CADM2: variants seen among roughly 807,000 people sequenced by gnomAD.
CADM2 encodes the protein cell adhesion molecule 2.
CADM2 carries 12 observed loss-of-function variants against 49.8 expected under a neutral mutation model. The ratio of observed to expected loss-of-function variants is 0.24; its 90% CI spans 0.15 to 0.39. The LOEUF (loss-of-function observed/expected upper bound fraction) is 0.39, where lower values mean the gene tolerates loss of function less well. Among genes scored for constraint, CADM2 ranks in the 10% least tolerant of loss-of-function variants. The pLI, the probability that CADM2 is intolerant of heterozygous loss-of-function variation, is 1.00. For synonymous variants in CADM2, 214 were observed against 175.4 expected (o/e 1.22, Z -1.74); for missense variants, 378 against 492.3 (o/e 0.77, Z 2.20).
intron 3 of CADM2, among the ~76,000 whole-genome samples, chr3:85,846,647 G>C (rs898846694): frequency 6.6e-6 from 1 of 152,086 alleles, no homozygotes; most frequent in Non-Finnish European, 1.5e-5. Context: ...CAGGACAATC[G>C]CATGTAGCCA....
At chr3:85,987,686 AAAT>A (rs1287133566) in intron 8 of CADM2, among the ~76,000 whole-genome samples, 4 of 146,730 alleles carry the variant, frequency 2.7e-5, no homozygotes, top group Non-Finnish European at 6.0e-5. Flanking sequence ...TATTTATATA[AAAT>A]AATATAATAA....
intron 3 of CADM2, among the ~76,000 whole-genome samples, chr3:85,813,005 A>G (rs1020783321): frequency 6.6e-6 from 1 of 152,204 alleles, no homozygotes; most frequent in Non-Finnish European, 1.5e-5. Flanking sequence ...TGCTGCAATA[A>G]ACATATGTGT....
chr3:86,053,943 T>C (rs1369449928), intron 8 of CADM2, among the ~76,000 whole-genome samples: 2 of 152,218 alleles, frequency 1.3e-5, no homozygotes, highest in African/African-American at 4.8e-5. Context: ...TGCACAAGAA[T>C]TTTTTGTGTC....
At chr3:85,120,719 G>A (rs1381410003) in intron 1 of CADM2, among the ~76,000 whole-genome samples, 1 of 152,050 alleles carries the variant, frequency 6.6e-6, no homozygotes, top group Non-Finnish European at 1.5e-5. Flanking sequence ...GGAGAAATAC[G>A]TCATGTAGAT....
At chr3:85,825,099 C>T (rs2073828799) in intron 3 of CADM2, among the ~76,000 whole-genome samples, 1 of 151,942 alleles carries the variant, frequency 6.6e-6, no homozygotes, top group African/African-American at 2.4e-5. Flanking sequence ...AATATGCATA[C>T]ACAAATGCAT....
chr3:86,053,612 C>A (rs1041642123), intron 8 of CADM2, among the ~76,000 whole-genome samples: 1 of 151,984 alleles, frequency 6.6e-6, no homozygotes, highest in Admixed American at 6.6e-5. Flanking sequence ...TTTTAACATG[C>A]AGTAATCATG....
intron 7 of CADM2, among the ~76,000 whole-genome samples, chr3:85,936,736 T>C (rs982435591): frequency 6.6e-6 from 1 of 151,852 alleles, no homozygotes; most frequent in Non-Finnish European, 1.5e-5. Context: ...AGTTTCATAC[T>C]ATCCCATGGA....
chr3:85,442,723 A>T (rs1035426613), intron 1 of CADM2, among the ~76,000 whole-genome samples: 1 of 150,152 alleles, frequency 6.7e-6, no homozygotes, highest in Non-Finnish European at 1.5e-5. Flanking sequence ...TGTTAAATAT[A>T]GTATAAAAAA....
chr3:85,533,296 A>G (rs1248260590), intron 1 of CADM2, among the ~76,000 whole-genome samples: 1 of 152,222 alleles, frequency 6.6e-6, no homozygotes, highest in African/African-American at 2.4e-5. Flanking sequence ...GATGTCAAAC[A>G]TAAGAATAGA....
At chr3:85,093,594 T>G (rs1193762955) in intron 1 of CADM2, among the ~76,000 whole-genome samples, 2 of 152,142 alleles carry the variant, frequency 1.3e-5, no homozygotes, top group African/African-American at 4.8e-5. Context: ...AAGCTATTGA[T>G]TAAGGGAAAA....
intron 2 of CADM2, among the ~76,000 whole-genome samples, chr3:85,778,587 C>T (rs1196912873): frequency 1.3e-5 from 2 of 152,112 alleles, no homozygotes; most frequent in African/African-American, 4.8e-5. Context: ...TGCCTTCCAC[C>T]ATGATTGTAA....
intron 8 of CADM2, among the ~76,000 whole-genome samples, chr3:86,063,285 ACAT>A (rs1738912208): frequency 2.0e-5 from 3 of 152,218 alleles, no homozygotes; most frequent in Non-Finnish European, 2.9e-5. Context: ...TACACAATAC[ACAT>A]GATAGAGGAG....
chr3:85,989,683 AT>A (rs1728520918), intron 8 of CADM2, among the ~76,000 whole-genome samples: 1 of 152,106 alleles, frequency 6.6e-6, no homozygotes, highest in Admixed American at 6.6e-5. Flanking sequence ...TTAGTTTTTC[AT>A]TTCTCCTATA....
At chr3:86,065,783 C>A in intron 9 of CADM2, 53 bp downstream of exon 9, 1 of 1,575,270 alleles carries the variant, frequency 6.3e-7, no homozygotes, top group South Asian at 1.2e-5. Context: ...TCTAGACTAA[C>A]TTCATTATAA....
chr3:85,984,134 G>A (rs1228385282), intron 8 of CADM2, among the ~76,000 whole-genome samples: 3 of 148,830 alleles, frequency 2.0e-5, no homozygotes, highest in Non-Finnish European at 3.0e-5. Context: ...CAATTATTCC[G>A]ATTATATATT....
At chr3:85,143,536 C>T (rs376110751) in intron 1 of CADM2, among the ~76,000 whole-genome samples, 4 of 152,086 alleles carry the variant, frequency 2.6e-5, no homozygotes, top group East Asian at 1.9e-4. Context: ...GATTTTTCAA[C>T]GACCTTTTCA....
intron 1 of CADM2, among the ~76,000 whole-genome samples, chr3:85,578,418 TGA>T (rs1239309810): frequency 6.6e-6 from 1 of 152,214 alleles, no homozygotes; most frequent in Non-Finnish European, 1.5e-5. Context: ...TATACTGATA[TGA>T]GAGAGATGTT....
At chr3:85,043,670 G>C (rs2035535184) in intron 1 of CADM2, among the ~76,000 whole-genome samples, 1 of 151,908 alleles carries the variant, frequency 6.6e-6, no homozygotes, top group African/African-American at 2.4e-5. Context: ...CAGAGTGAGA[G>C]CTTGTCTCAA....
At chr3:85,101,144 C>T (rs1200553817) in intron 1 of CADM2, among the ~76,000 whole-genome samples, 1 of 152,054 alleles carries the variant, frequency 6.6e-6, no homozygotes, top group Non-Finnish European at 1.5e-5. Flanking sequence ...ATCCCAGCTA[C>T]TTGGGAGGCT....
Sources: gnomAD v4.1 joint callset for allele counts (sites outside exome capture counted in the v4.1 genomes callset) on GRCh38, gnomAD v4.1.1 for gene constraint, MANE v1.5 for transcripts, NCBI Gene and HGNC (gene_info 2026-07-23, HGNC 2026-07-21) for gene names.